MBOAT2: variants seen among roughly 807,000 people sequenced by gnomAD.
The protein encoded by MBOAT2 is membrane bound glycerophospholipid O-acyltransferase 2, also known as membrane-bound glycerophospholipid O-acyltransferase 2.
A neutral mutation model predicts 63.4 loss-of-function variants in MBOAT2; 28 were observed. The observed-to-expected ratio is 0.44, with a 90% CI of 0.33 to 0.61. MBOAT2 has a LOEUF of 0.61. Ranked by LOEUF, MBOAT2 falls within the 20% of genes least tolerant of loss-of-function variation. The pLI is 0.03. For synonymous variants in MBOAT2, 211 were observed against 215.6 expected, an observed-to-expected ratio of 0.98 and a Z score of 0.19; for missense variants, 470 against 605.8, an observed-to-expected ratio of 0.78 and a Z score of 2.35.
At chr2:8,954,742 A>G (rs1174235368) in intron 2 of MBOAT2, among the ~76,000 whole-genome samples, 1 of 152,010 alleles carries the variant, frequency 6.6e-6, no homozygotes, top group East Asian at 1.9e-4. Flanking sequence ...ATGCCTGTAG[A>G]TTTGCCTGGG....
intron 6 of MBOAT2, among the ~76,000 whole-genome samples, chr2:8,878,869 G>A (rs1032400614): frequency 6.6e-6 from 1 of 151,990 alleles, no homozygotes; most frequent in African/African-American, 2.4e-5. Flanking sequence ...GAGGTCAGGA[G>A]ATCGAGACCA....
At chr2:8,925,930 T>C (rs1666898603) in intron 3 of MBOAT2, among the ~76,000 whole-genome samples, 1 of 152,204 alleles carries the variant, frequency 6.6e-6, no homozygotes, top group South Asian at 2.1e-4. Context: ...AATACAGTAT[T>C]TCATTTAATC....
chr2:8,879,817 A>C (rs1662975509), intron 6 of MBOAT2, among the ~76,000 whole-genome samples: 1 of 152,206 alleles, frequency 6.6e-6, no homozygotes, highest in Non-Finnish European at 1.5e-5. Context: ...CCTCAGTGAC[A>C]GGGGCAGGGA....
chr2:8,976,954 T>C (rs746136529), intron 1 of MBOAT2, among the ~76,000 whole-genome samples: 2 of 152,154 alleles, frequency 1.3e-5, no homozygotes, highest in Non-Finnish European at 2.9e-5. Context: ...GCCTACTATA[T>C]GATTCTATTT....
chr2:8,900,494 G>T (rs955507260), intron 4 of MBOAT2, among the ~76,000 whole-genome samples: 1 of 152,132 alleles, frequency 6.6e-6, no homozygotes, highest in Non-Finnish European at 1.5e-5. Context: ...ATCAGAGAGG[G>T]AGAAGGGGAC....
chr2:8,877,354 T>G (rs954548500), intron 6 of MBOAT2, 141 bp from the exon 7 acceptor site: 2 of 790,910 alleles, frequency 2.5e-6, no homozygotes, highest in Non-Finnish European at 3.9e-6. Context: ...ATAAGAATTT[T>G]AAGGATCAGA....
chr2:8,950,082 TG>T (rs1204053870), intron 2 of MBOAT2, among the ~76,000 whole-genome samples: 1 of 152,206 alleles, frequency 6.6e-6, no homozygotes, highest in Non-Finnish European at 1.5e-5. Flanking sequence ...GTGTGGCTAT[TG>T]CAAATGAGAT....
rs529179938 is a variant in MBOAT2 at position 8,856,870 on chromosome 2, C to T, written c.*1809G>A. On this transcript the variant is annotated 3_prime_UTR_variant, in exon 13 of 13. Transcript: ENST00000305997. The surrounding 1 kb of genome is among the most constrained non-coding windows in gnomAD (Gnocchi z 4.2). ...ATGCTCAGCCAACATAATTTCAATG[C>T]ATGGGAAAACAGAGGAAATTTATTT... 6.6e-6 allele frequency: 1 copy of T among 152,224 alleles called. No homozygotes were observed. Among genetic ancestry groups the T allele is most frequent in the South Asian group, 2.1e-4 (1 of 4,828 alleles). 9.4% of individuals were successfully genotyped at this position (152,224 alleles called of 1,614,324 possible).
intron 8 of MBOAT2, among the ~76,000 whole-genome samples, chr2:8,870,908 C>T (rs964370911): frequency 6.6e-6 from 1 of 152,108 alleles, no homozygotes; most frequent in Non-Finnish European, 1.5e-5. Flanking sequence ...ATTCATTTTT[C>T]AAACCAAATA....
intron 9 of MBOAT2, among the ~76,000 whole-genome samples, chr2:8,866,710 C>T (rs1244024372): frequency 6.6e-6 from 1 of 152,226 alleles, no homozygotes; most frequent in African/African-American, 2.4e-5. Flanking sequence ...TCATACAGTG[C>T]ATTTGGCCAA....
At chr2:9,000,576 T>C (rs909820721) in intron 1 of MBOAT2, among the ~76,000 whole-genome samples, 2 of 152,336 alleles carry the variant, frequency 1.3e-5, no homozygotes, top group African/African-American at 4.8e-5. Context: ...TGTCACTTAA[T>C]GATGAGGCTA....
chr2:8,974,598 A>G (rs1388246246), intron 1 of MBOAT2, among the ~76,000 whole-genome samples: 1 of 152,170 alleles, frequency 6.6e-6, no homozygotes, highest in Non-Finnish European at 1.5e-5. Context: ...GATACCCAGT[A>G]ACTGGAAACA....
At chr2:8,859,008 T>C (rs1377301820) in intron 12 of MBOAT2, 104 bp from the exon 13 acceptor site, 8 of 790,290 alleles carry the variant, frequency 1.0e-5, no homozygotes, top group Non-Finnish European at 1.6e-5. Flanking sequence ...GATGTATTTG[T>C]TTACTACATT....
chr2:8,873,433 ACATT>A, intron 7 of MBOAT2, 133 bp from the exon 8 acceptor site: 3 of 890,280 alleles, frequency 3.4e-6, no homozygotes, highest in Non-Finnish European at 4.9e-6. Flanking sequence ...TTCAAGAGCT[ACATT>A]GCACTTGGCA....
chr2:9,002,581 G>C (rs769792463), intron 1 of MBOAT2, among the ~76,000 whole-genome samples: 40 of 152,070 alleles, frequency 2.6e-4, no homozygotes, highest in Non-Finnish European at 1.2e-4. Flanking sequence ...CTTTAGCCTG[G>C]GGCTAGAGCA....
At chr2:8,926,431 G>C (rs1284086842) in intron 3 of MBOAT2, among the ~76,000 whole-genome samples, 1 of 152,232 alleles carries the variant, frequency 6.6e-6, no homozygotes, top group African/African-American at 2.4e-5. Flanking sequence ...ATTAAGAAAA[G>C]GGGGAAAAGG....
chr2:8,939,666 A>G (rs1285569492), intron 3 of MBOAT2, among the ~76,000 whole-genome samples: 2 of 152,178 alleles, frequency 1.3e-5, no homozygotes, highest in Non-Finnish European at 2.9e-5. Context: ...CAGAGCACAC[A>G]ATCCCTGGGG....
In MBOAT2 at chr2:8,853,752, A is replaced by G. The variant is rs904249564; in HGVS notation, c.*4927T>C. On this transcript the variant is annotated 3_prime_UTR_variant, in exon 13 of 13. Transcript: ENST00000305997. ...TATAATTTACAGAACATACAGTCTT[A>G]GTGTTGTATTTTTTCTTTATAAAAG... is the stretch of plus-strand genomic sequence containing the variant. The G allele has an allele frequency of 1.3e-5, 2 of 152,142 alleles. No individual in the cohort carries two copies. The highest frequency in any genetic ancestry group is 2.4e-5 in the African/African-American group (1 of 41,434). The allele number at this position is 152,142 out of a possible 1,614,324, so 9.4% of individuals were successfully genotyped here.
At chr2:8,902,809 T>C (rs1387581295) in intron 4 of MBOAT2, among the ~76,000 whole-genome samples, 1 of 152,130 alleles carries the variant, frequency 6.6e-6, no homozygotes, top group Non-Finnish European at 1.5e-5. Flanking sequence ...AGCAGCAAGA[T>C]TTATTGTGAA....
Sources: allele counts gnomAD v4.1 joint callset (sites outside exome capture counted in the v4.1 genomes callset), GRCh38; gene constraint gnomAD v4.1.1; non-coding constraint Gnocchi (gnomAD v3.1); transcripts MANE v1.5; gene names NCBI Gene and HGNC (gene_info 2026-07-23, HGNC 2026-07-21).